ERI1: variants seen among roughly 807,000 people sequenced by gnomAD.
ERI1 encodes the protein 3'-5' exoribonuclease 1.
A neutral mutation model predicts 39.7 loss-of-function variants in ERI1; 39 were observed. That is an observed-to-expected ratio of 0.98 (90% CI 0.76 to 1.28). The LOEUF is 1.28. ERI1 is among the 50% of genes most tolerant of loss of function. ERI1 has a pLI of 0.00. For synonymous variants in ERI1, 204 were observed against 149.6 expected (o/e 1.36, Z -2.65); for missense variants, 581 against 416.9 (o/e 1.39, Z -3.43).
chr8:9,038,347 A>G (rs955260592), intron 3 of ERI1, among the ~76,000 whole-genome samples: 1 of 152,258 alleles, frequency 6.6e-6, no homozygotes, highest in Non-Finnish European at 1.5e-5. Context: ...AGAGGGAGAC[A>G]CCACATTCAC....
intron 3 of ERI1, among the ~76,000 whole-genome samples, chr8:9,056,323 T>C (rs547264391): frequency 6.6e-6 from 1 of 152,344 alleles, no homozygotes; most frequent in African/African-American, 2.4e-5. Flanking sequence ...TGACCTGCCT[T>C]TTCCCCTTAT....
intron 5 of ERI1, among the ~76,000 whole-genome samples, chr8:9,019,807 A>G (rs1317021467): frequency 2.0e-5 from 3 of 152,146 alleles, no homozygotes; most frequent in Non-Finnish European, 4.4e-5. Context: ...TATAATTTCC[A>G]CTGCTATTAT....
chr8:9,025,455 T>C (rs1267870704), intron 6 of ERI1, among the ~76,000 whole-genome samples: 1 of 152,268 alleles, frequency 6.6e-6, no homozygotes, highest in Non-Finnish European at 1.5e-5. Flanking sequence ...GGCTGCGTTT[T>C]GCAGCGCTTC....
chr8:9,009,352 C>T (rs764514274), intron 2 of ERI1, among the ~76,000 whole-genome samples: 4 of 151,966 alleles, frequency 2.6e-5, no homozygotes, highest in Non-Finnish European at 5.9e-5. Context: ...GAATATTTCT[C>T]AGGAATTCAG....
chr8:9,035,924 G>T (rs1348754187), downstream of ERI1, among the ~76,000 whole-genome samples: 1 of 152,160 alleles, frequency 6.6e-6, no homozygotes, highest in African/African-American at 2.4e-5. Context: ...GTTGATTTCA[G>T]TCCTCATGGA....
At chr8:9,016,845 C>G (rs961979600) in intron 4 of ERI1, among the ~76,000 whole-genome samples, 1 of 151,646 alleles carries the variant, frequency 6.6e-6, no homozygotes, top group Admixed American at 6.6e-5. Flanking sequence ...TGCCACCACA[C>G]CCGGCTAATT....
At chr8:9,026,170 CA>C (rs1818455624) in intron 6 of ERI1, among the ~76,000 whole-genome samples, 1 of 152,154 alleles carries the variant, frequency 6.6e-6, no homozygotes, top group Non-Finnish European at 1.5e-5. Context: ...TGTTGGCCCT[CA>C]AAAAGTTTCG....
intron 3 of ERI1, among the ~76,000 whole-genome samples, chr8:9,038,430 C>CTATCATACAT (rs2117338566): frequency 6.6e-6 from 1 of 152,340 alleles, no homozygotes; most frequent in African/African-American, 2.4e-5. Flanking sequence ...ATTGATCATA[C>CTATCATACAT]TATCATACAT....
intron 3 of ERI1, among the ~76,000 whole-genome samples, chr8:9,045,091 C>T (rs1464264785): frequency 4.6e-5 from 7 of 151,932 alleles, no homozygotes; most frequent in Non-Finnish European, 1.0e-4. Flanking sequence ...AAAAAATTAG[C>T]TGGGCGTAGT....
intron 6 of ERI1, among the ~76,000 whole-genome samples, chr8:9,023,891 C>A (rs1359671416): frequency 1.3e-5 from 2 of 148,772 alleles, no homozygotes; most frequent in African/African-American, 5.0e-5. Flanking sequence ...CTCTGCCTCC[C>A]GGGTTCAAGC....
intron 3 of ERI1, among the ~76,000 whole-genome samples, chr8:9,082,970 C>A (rs1799415157): frequency 6.6e-6 from 1 of 152,178 alleles, no homozygotes; most frequent in African/African-American, 2.4e-5. Flanking sequence ...TTAGTGTGAA[C>A]TTCAGGTAAA....
intron 3 of ERI1, among the ~76,000 whole-genome samples, chr8:9,085,331 C>G (rs868799671): frequency 2.6e-5 from 4 of 152,090 alleles, no homozygotes; most frequent in Middle Eastern, 6.3e-3. Context: ...GCTTCAGCCT[C>G]CCAAGGAGAT....
At chr8:9,083,296 C>T in intron 3 of ERI1, among the ~76,000 whole-genome samples, 1 of 152,150 alleles carries the variant, frequency 6.6e-6, no homozygotes, top group East Asian at 1.9e-4. Flanking sequence ...AATGGCTGTG[C>T]TCTGACGGTA....
At chr8:9,029,766 T>A (rs1385425048) in intron 6 of ERI1, 26 bp from the exon 7 acceptor site, 1 of 1,613,246 alleles carries the variant, frequency 6.2e-7, no homozygotes, top group Non-Finnish European at 8.5e-7. Flanking sequence ...ACCAAAGAAT[T>A]ATTTACTAAG....
chr8:9,003,790 G>T (rs534093868), intron 1 of ERI1, among the ~76,000 whole-genome samples: 3 of 152,166 alleles, frequency 2.0e-5, no homozygotes, highest in Non-Finnish European at 4.4e-5. Context: ...GTTGACTAGC[G>T]CTGCGGATTG....
intron 3 of ERI1, among the ~76,000 whole-genome samples, chr8:9,049,114 G>A (rs1240370298): frequency 6.6e-6 from 1 of 151,734 alleles, no homozygotes; most frequent in Non-Finnish European, 1.5e-5. Context: ...CGAGGTGGGC[G>A]GATCACCTGA....
At chr8:9,057,141 GT>G (rs915167538) in intron 3 of ERI1, among the ~76,000 whole-genome samples, 1 of 151,268 alleles carries the variant, frequency 6.6e-6, no homozygotes, top group Non-Finnish European at 1.5e-5. Context: ...CTGTTTTTTT[GT>G]TTTTTTGTTT....
At chr8:9,089,104 A>G (rs1799623913) in intron 3 of ERI1, among the ~76,000 whole-genome samples, 1 of 152,144 alleles carries the variant, frequency 6.6e-6, no homozygotes, top group Admixed American at 6.5e-5. Context: ...GTTTCCTCAA[A>G]TAGATTAGGG....
intron 3 of ERI1, among the ~76,000 whole-genome samples, chr8:9,047,091 T>A (rs1585258166): frequency 6.6e-6 from 1 of 152,198 alleles, no homozygotes; most frequent in East Asian, 1.9e-4. Context: ...AAGCTGCTCT[T>A]TCCCAGAAGG....
Sources: allele counts gnomAD v4.1 joint callset (sites outside exome capture counted in the v4.1 genomes callset), GRCh38; gene constraint gnomAD v4.1.1; transcripts MANE v1.5; gene names NCBI Gene and HGNC (gene_info 2026-07-23, HGNC 2026-07-21).